KCNQ4: variants seen among roughly 807,000 people sequenced by gnomAD.
KCNQ4 encodes the protein potassium voltage-gated channel subfamily KQT member 4.
Under a neutral mutation model 72.6 loss-of-function variants are expected in KCNQ4, and 31 were observed. That is an observed-to-expected ratio of 0.43 (90% CI 0.32 to 0.58). The LOEUF is 0.58. KCNQ4 is among the 20% of genes least tolerant of loss of function. The pLI is 0.08. For synonymous variants in KCNQ4, 405 were observed against 403.7 expected (o/e 1.00, Z -0.04); for missense variants, 869 against 962.6 (o/e 0.90, Z 1.29).
At position 40,794,767 on chromosome 1, in the gene KCNQ4, T is replaced by A. The variant is rs1285405564; in HGVS notation, c.314+10360T>A. Among the ~76,000 whole-genome samples the A allele has an allele frequency of 6.6e-6, 1 of 152,148 alleles. No homozygotes were observed. The highest frequency in any genetic ancestry group is 1.5e-5 in the Non-Finnish European group (1 of 68,036). On this transcript the variant is annotated intron_variant, in intron 1 of 13. Transcript: ENST00000347132. This position sits in a 1 kb window ranked among gnomAD's most constrained non-coding sequence, Gnocchi z 4.2. The stretch of plus-strand genomic sequence containing the variant: ...ATAAAAAGTTGACAACCTTATGCAG[T>A]CCCCAAAGTGTTTTTGGAAATTTTA...
chr1:40,812,419 G>A lies in KCNQ4; in HGVS notation c.315-4846G>A, dbSNP rs367861085. On this transcript the variant is annotated intron_variant, in intron 1 of 13. Coordinates refer to ENST00000347132, the MANE Select transcript of KCNQ4 (RefSeq NM_004700.4). The stretch of plus-strand genomic sequence containing the variant: ...CCACAGATGCACACCCCCATGCCTG[G>A]CTAATTTTTGTTTTGATTTTTTTTG... 5.1e-4 allele frequency among the ~76,000 whole-genome samples: 77 copies of A among 152,128 alleles called. 1 individual carries two copies. The South Asian group carries it at 0.012, about 23-fold the overall frequency.
At position 40,818,588 on chromosome 1, in the gene KCNQ4, A is replaced by G. The variant is rs1316190627; in HGVS notation, c.616A>G (p.Met206Val). 7 of 1,606,090 alleles carry G rather than the reference A, an allele frequency of 4.4e-6. No individual in the cohort carries two copies. Among genetic ancestry groups the G allele is most frequent in the Non-Finnish European group, 4.2e-6 (5 of 1,179,796 alleles). ...NIFATSALRS[M>V]RFLQILRMVR... ...CTTCGCCACGTCCGCGCTGCGCAGC[A>G]TGCGCTTCCTGCAGATCCTGCGCAT... is the stretch of plus-strand genomic sequence containing the variant. Residue 206 changes from methionine (M) to valine (V), a missense_variant, in exon 4 of 14, where the codon ATG becomes GTG. Met to Val is a conservative substitution (Grantham distance 21). Around this residue, in one of 5 missense-constraint regions of KCNQ4, gnomAD observed 179 missense variants for 243.0 expected, o/e 0.74. Transcript: ENST00000347132.
chr1:40,834,839 G>A, intron 11 of KCNQ4, 128 bp from the exon 12 acceptor site: 1 of 1,247,722 alleles, frequency 8.0e-7, no homozygotes, highest in East Asian at 2.6e-5. Context: ...CGCAGCAGAG[G>A]CTGTTCATGG....
At chr1:40,798,279 T>C (rs1334236203) in intron 1 of KCNQ4, among the ~76,000 whole-genome samples, 4 of 152,146 alleles carry the variant, frequency 2.6e-5, no homozygotes, top group African/African-American at 9.7e-5. Flanking sequence ...TGAAAACCTT[T>C]CTGCAGAGCT....
Position 40,818,674 on chromosome 1 carries a change from T to C in KCNQ4, c.702T>C (p.His234=). The part of the protein sequence containing the change: ...WKLLGSVVYA[H]SKELITAWYI... ...TGCTGGGCTCAGTGGTCTACGCGCATAGCAAGGTGAGGCCTGCAAGCCGCG... is the reference window on the plus strand; with the variant it reads ...TGCTGGGCTCAGTGGTCTACGCGCACAGCAAGGTGAGGCCTGCAAGCCGCG... Residue 234 remains histidine (H), a synonymous_variant, in exon 4 of 14, where the codon CAT becomes CAC. Transcript: ENST00000347132. 2 of 1,601,306 alleles carry C rather than the reference T, an allele frequency of 1.2e-6. No individual in the cohort carries two copies. The highest frequency in any genetic ancestry group is 1.7e-6 in the Non-Finnish European group (2 of 1,177,336).
chr1:40,787,986 G>A (rs1437045005), intron 1 of KCNQ4, among the ~76,000 whole-genome samples: 3 of 152,178 alleles, frequency 2.0e-5, no homozygotes, highest in African/African-American at 7.2e-5. Context: ...TCTATGTGAA[G>A]GTTTGCGGCT....
chr1:40,786,716 C>T (rs1647206416), intron 1 of KCNQ4, among the ~76,000 whole-genome samples: 1 of 152,130 alleles, frequency 6.6e-6, no homozygotes, highest in African/African-American at 2.4e-5. Context: ...GGGTAGAAAC[C>T]CCAACCTTGC....
chr1:40,834,790 C>T (rs948833915), intron 11 of KCNQ4, among the ~76,000 whole-genome samples, 177 bp from the exon 12 acceptor site: 1 of 151,990 alleles, frequency 6.6e-6, no homozygotes, highest in Non-Finnish European at 1.5e-5. Flanking sequence ...TCCATCTCAT[C>T]CCTGTTTCTG....
chr1:40,821,118 T>C (rs967739001), intron 7 of KCNQ4, among the ~76,000 whole-genome samples: 1 of 152,188 alleles, frequency 6.6e-6, no homozygotes, highest in Non-Finnish European at 1.5e-5. Context: ...TTAGCGTCCC[T>C]TGGGGCACAA....
At chr1:40,810,456 T>A (rs1382118383) in intron 1 of KCNQ4, among the ~76,000 whole-genome samples, 1 of 152,230 alleles carries the variant, frequency 6.6e-6, no homozygotes, top group Non-Finnish European at 1.5e-5. Context: ...GGATTATTCA[T>A]TTCTGGTTTT....
chr1:40,815,200 A>C (rs1648046145), intron 1 of KCNQ4, among the ~76,000 whole-genome samples: 1 of 150,632 alleles, frequency 6.6e-6, no homozygotes, highest in South Asian at 2.1e-4. Context: ...AGATCACACC[A>C]CTGCACTTCA....
At chr1:40,823,154 C>T (rs909674250) in intron 8 of KCNQ4, among the ~76,000 whole-genome samples, 18 of 152,188 alleles carry the variant, frequency 1.2e-4, no homozygotes, top group African/African-American at 1.7e-4. Flanking sequence ...GAAGCTGTTG[C>T]GCGATTCCAC....
intron 13 of KCNQ4, 72 bp from the exon 14 acceptor site, chr1:40,838,239 G>T: frequency 7.4e-7 from 1 of 1,349,348 alleles, no homozygotes; most frequent in Non-Finnish European, 1.0e-6. Context: ...TCCGCCCCGA[G>T]ACCCAAGCCC....
chr1:40,799,286 G>A lies in KCNQ4; in HGVS notation c.314+14879G>A, dbSNP rs118078797. Among the ~76,000 whole-genome samples the A allele has an allele frequency of 9.8e-4, 149 of 152,346 alleles. 2 individuals carry two copies. The East Asian group carries it at 0.028, about 28-fold the overall frequency. On this transcript the variant is annotated intron_variant, in intron 1 of 13. Transcript: ENST00000347132. ...GCATGTGGGACTGAAGGATGGGGGC[G>A]ATGTCAGGGAGGTTTAGGGCACATG...
At chr1:40,804,375 T>C (rs1371631610) in intron 1 of KCNQ4, among the ~76,000 whole-genome samples, 2 of 152,230 alleles carry the variant, frequency 1.3e-5, no homozygotes, top group Non-Finnish European at 2.9e-5. Context: ...TCTGATCTAC[T>C]GTATGATCAC....
In KCNQ4 at chr1:40,784,320, C is replaced by G. The variant is rs1647182655; in HGVS notation, c.227C>G (p.Ala76Gly). ...GCCTGCGGCCAGCGCTCCTCGGCCGCGCACAAGCGCTACCGCCGCCTGCAG... is the reference window on the plus strand; with the variant it reads ...GCCTGCGGCCAGCGCTCCTCGGCCGGGCACAAGCGCTACCGCCGCCTGCAG... The part of the protein sequence containing the change: ...GSACGQRSSA[A>G]HKRYRRLQNW... The change falls in exon 1 of 14, where the codon GCG (alanine) becomes GGG (glycine). Residue 76 changes from alanine (A) to glycine (G), a missense_variant. Ala to Gly is a moderately conservative substitution (Grantham distance 60). Coordinates refer to ENST00000347132, the MANE Select transcript of KCNQ4 (RefSeq NM_004700.4). This position sits in a 1 kb window ranked among gnomAD's most constrained non-coding sequence, Gnocchi z 4.1. 7 of 1,607,198 alleles carry G rather than the reference C, an allele frequency of 4.4e-6. No homozygotes were observed. The highest frequency in any genetic ancestry group is 5.9e-6 in the Non-Finnish European group (7 of 1,178,650).
chr1:40,831,296 C>G lies in KCNQ4; in HGVS notation c.1505C>G (p.Ser502Cys). The G allele has an allele frequency of 6.3e-7, 1 of 1,597,560 alleles. No homozygotes were observed. The highest frequency in any genetic ancestry group is 1.1e-5 in the South Asian group (1 of 88,276). The change falls in exon 10 of 14, where the codon TCT (serine) becomes TGT (cysteine). Residue 502 changes from serine (S) to cysteine (C), a missense_variant. Transcript: ENST00000347132. ...TCTCTGAGACTCAAACCCCGCACCT[C>G]TGCTGAGGGTAAGCCCCCGGGGGGC... The part of the protein sequence containing the change: ...RASLRLKPRT[S>C]AEDAPSEEVA...
Position 40,837,711 on chromosome 1 carries a change from G to A in KCNQ4, c.1792G>A (p.Glu598Lys). The A allele has an allele frequency of 6.2e-7, 1 of 1,613,538 alleles. No homozygotes were observed. The highest frequency in any genetic ancestry group is 8.5e-7 in the Non-Finnish European group (1 of 1,179,828). ...GRGPGDRKAR[E>K]KGDKGPSDAE... ...GGGGCCCGGGGACAGGAAGGCCCGG[G>A]AGAAGGGCGACAAGGGGCCCTCCGA... Residue 598 changes from glutamate (E) to lysine (K), a missense_variant, in exon 13 of 14, where the codon GAG becomes AAG. Transcript: ENST00000347132.
intron 1 of KCNQ4, among the ~76,000 whole-genome samples, chr1:40,787,047 A>G (rs1647209987): frequency 6.6e-6 from 1 of 152,072 alleles, no homozygotes; most frequent in Non-Finnish European, 1.5e-5. Context: ...CCCCCTTCCC[A>G]GAGACGCAGG....
Sources: allele counts gnomAD v4.1 joint callset (sites outside exome capture counted in the v4.1 genomes callset), GRCh38; gene constraint gnomAD v4.1.1; regional missense constraint gnomAD v4.1.1; non-coding constraint Gnocchi (gnomAD v3.1); transcripts MANE v1.5; gene names NCBI Gene and HGNC (gene_info 2026-07-23, HGNC 2026-07-21).